OPCML: variants seen among roughly 807,000 people sequenced by gnomAD.
The protein encoded by OPCML is opioid-binding protein/cell adhesion molecule.
In OPCML, 13 loss-of-function variants were observed where a neutral mutation model predicts 37.8. That is an observed-to-expected ratio of 0.34 (90% CI 0.22 to 0.55). OPCML has a LOEUF of 0.55. OPCML is among the 20% of genes least tolerant of loss of function. OPCML has a pLI of 0.91. For missense variants in OPCML, 341 were observed against 435.6 expected (o/e 0.78, Z 1.93); for synonymous variants, 176 against 168.8 (o/e 1.04, Z -0.33).
chr11:133,248,968 GCAA>G (rs1177796319), intron 1 of OPCML, among the ~76,000 whole-genome samples: 1 of 152,172 alleles, frequency 6.6e-6, no homozygotes, highest in Non-Finnish European at 1.5e-5. Context: ...AATGTGTCTT[GCAA>G]ACATGTCAGG....
At chr11:133,337,113 A>T (rs762919563) in intron 1 of OPCML, among the ~76,000 whole-genome samples, 12 of 152,222 alleles carry the variant, frequency 7.9e-5, no homozygotes, top group Non-Finnish European at 1.6e-4. Flanking sequence ...TTATGACAGT[A>T]AAAATAGTTG....
chr11:132,860,437 G>A (rs563948296), intron 2 of OPCML: 2 of 152,290 alleles, frequency 1.3e-5, no homozygotes, highest in South Asian at 2.1e-4. Flanking sequence ...GTGTTCTTAA[G>A]TCATTATAGA....
At chr11:133,097,577 A>G (rs1363128040) in intron 1 of OPCML, among the ~76,000 whole-genome samples, 1 of 152,184 alleles carries the variant, frequency 6.6e-6, no homozygotes, top group Non-Finnish European at 1.5e-5. Context: ...AATGAAACCA[A>G]AAACTGGTTC....
At chr11:132,570,755 G>GTGTA (rs1555156145) in intron 3 of OPCML, among the ~76,000 whole-genome samples, 2 of 30,114 alleles carry the variant, frequency 6.6e-5, no homozygotes, top group South Asian at 3.2e-3. Flanking sequence ...AGGAAAGAGA[G>GTGTA]TATATATATA....
rs375956566 is a variant in OPCML at position 133,466,078 on chromosome 11, T to C, written c.61+66186A>G. On this transcript the variant is annotated intron_variant, in intron 1 of 7. Transcript: ENST00000524381. The stretch of plus-strand genomic sequence containing the variant: ...AACATTATATATTTGGCTGTATGGA[T>C]CACTACATCTCAGAGAAACCACATG... 4.6e-5 allele frequency among the ~76,000 whole-genome samples: 7 copies of C among 152,332 alleles called. No homozygotes were observed. In the East Asian group the frequency reaches 5.8e-4, roughly 13 times the overall value.
chr11:132,600,176 G>A (rs979200458), intron 3 of OPCML, among the ~76,000 whole-genome samples: 3 of 152,062 alleles, frequency 2.0e-5, no homozygotes, highest in African/African-American at 7.2e-5. Flanking sequence ...GCCATAATTT[G>A]GAAAACTCAA....
intron 1 of OPCML, among the ~76,000 whole-genome samples, chr11:133,166,319 T>G (rs1475574948): frequency 6.6e-6 from 1 of 152,182 alleles, no homozygotes; most frequent in Non-Finnish European, 1.5e-5. Context: ...GTTCATTTAC[T>G]CCATGCAATA....
intron 1 of OPCML, among the ~76,000 whole-genome samples, chr11:133,384,368 G>T (rs1024233449): frequency 6.6e-6 from 1 of 151,898 alleles, no homozygotes; most frequent in Non-Finnish European, 1.5e-5. Flanking sequence ...CCAAGCTACA[G>T]GTCAGAGGAA....
intron 2 of OPCML, among the ~76,000 whole-genome samples, chr11:132,927,747 A>G (rs982365317): frequency 5.3e-5 from 8 of 152,060 alleles, no homozygotes; most frequent in African/African-American, 1.7e-4. Flanking sequence ...AAAATATAAA[A>G]CTATACATAA....
chr11:132,510,702 C>G (rs2096267026), intron 4 of OPCML, among the ~76,000 whole-genome samples: 1 of 152,166 alleles, frequency 6.6e-6, no homozygotes, highest in Non-Finnish European at 1.5e-5. Context: ...GCTTCCCCAG[C>G]CATGTGGAAC....
chr11:133,046,930 G>A (rs1206911918), intron 1 of OPCML, among the ~76,000 whole-genome samples: 1 of 147,692 alleles, frequency 6.8e-6, no homozygotes, highest in African/African-American at 2.6e-5. Flanking sequence ...AGTGGAAGGG[G>A]ATATTTTTAA....
At chr11:133,286,735 G>A (rs12574516) in intron 1 of OPCML, among the ~76,000 whole-genome samples, 44,620 of 151,936 alleles carry the variant, frequency 0.29, 7,459 homozygotes, top group East Asian at 0.76. Flanking sequence ...TGCATTTCCA[G>A]ATAAAACGAA....
intron 2 of OPCML, among the ~76,000 whole-genome samples, chr11:132,782,910 A>AAT (rs1555188301): frequency 8.7e-6 from 1 of 115,440 alleles, no homozygotes; most frequent in Non-Finnish European, 1.8e-5. Context: ...ATATATATAT[A>AAT]GTGTGTGTAT....
chr11:133,248,244 C>A (rs1172189601), intron 1 of OPCML, among the ~76,000 whole-genome samples: 3 of 151,978 alleles, frequency 2.0e-5, no homozygotes, highest in African/African-American at 7.3e-5. Flanking sequence ...AGAAAATGGC[C>A]AAAGAAGTGA....
At chr11:132,601,616 A>G (rs2137781245) in intron 3 of OPCML, among the ~76,000 whole-genome samples, 1 of 152,286 alleles carries the variant, frequency 6.6e-6, no homozygotes, top group Middle Eastern at 3.4e-3. Context: ...TGACTTGACC[A>G]GCCATGATGG....
chr11:132,799,404 C>A lies in OPCML; in HGVS notation c.147-142085G>T, dbSNP rs142302142. On this transcript the variant is annotated intron_variant, in intron 2 of 7. Coordinates refer to ENST00000524381, the MANE Select transcript of OPCML (RefSeq NM_001012393.5). ...CTTCTTCTACAGCTTCCTCACCTCC[C>A]TCAGACTTTAGAATTGAGGAGAATT... 8.2e-4 allele frequency among the ~76,000 whole-genome samples: 125 copies of A among 152,254 alleles called. No homozygotes were observed. The South Asian group carries it at 0.012, about 15-fold the overall frequency.
chr11:133,143,404 C>G (rs1949853311), intron 1 of OPCML, among the ~76,000 whole-genome samples: 1 of 152,190 alleles, frequency 6.6e-6, no homozygotes, highest in South Asian at 2.1e-4. Flanking sequence ...GAATGACCAA[C>G]ATGACCTAGA....
intron 4 of OPCML, among the ~76,000 whole-genome samples, chr11:132,437,732 A>T (rs1443226627): frequency 6.6e-6 from 1 of 152,254 alleles, no homozygotes; most frequent in African/African-American, 2.4e-5. Context: ...ATAATATAAT[A>T]AAACTATGGA....
At chr11:133,308,431 G>A (rs1467233607) in intron 1 of OPCML, among the ~76,000 whole-genome samples, 3 of 152,106 alleles carry the variant, frequency 2.0e-5, no homozygotes, top group Non-Finnish European at 4.4e-5. Flanking sequence ...GGAGAAAGAG[G>A]ATTCAAATAA....
Sources: allele counts gnomAD v4.1 joint callset (sites outside exome capture counted in the v4.1 genomes callset), GRCh38; gene constraint gnomAD v4.1.1; transcripts MANE v1.5; gene names NCBI Gene and HGNC (gene_info 2026-07-23, HGNC 2026-07-21).